FAM180A: variants seen among roughly 807,000 people sequenced by gnomAD.
FAM180A encodes the protein protein FAM180A.
Under a neutral mutation model 15.3 loss-of-function variants are expected in FAM180A, and 14 were observed. The ratio of observed to expected loss-of-function variants is 0.92; its 90% CI spans 0.61 to 1.43. The LOEUF (loss-of-function observed/expected upper bound fraction) is 1.43. Ranked by LOEUF, FAM180A falls within the 40% of genes most tolerant of loss-of-function variation. The pLI, the probability that FAM180A is intolerant of heterozygous loss-of-function variation, is 0.00. For missense variants in FAM180A, 200 were observed against 220.8 expected (o/e 0.91, Z 0.60); for synonymous variants, 90 against 96.8 (o/e 0.93, Z 0.41).
At chr7:135,735,525 C>T (rs1278952271) in intron 2 of FAM180A, among the ~76,000 whole-genome samples, 1 of 152,112 alleles carries the variant, frequency 6.6e-6, no homozygotes, top group Non-Finnish European at 1.5e-5. Context: ...TCTGTCCTCC[C>T]CTGCCCGAAT....
At chr7:135,747,905 A>AG (rs1045611869) in intron 1 of FAM180A, among the ~76,000 whole-genome samples, 1 of 152,172 alleles carries the variant, frequency 6.6e-6, no homozygotes, top group African/African-American at 2.4e-5. Flanking sequence ...CTACATCCTG[A>AG]GGGGGAGGAA....
intron 1 of FAM180A, among the ~76,000 whole-genome samples, chr7:135,739,842 C>T (rs1289267464): frequency 1.3e-5 from 2 of 152,178 alleles, no homozygotes; most frequent in Admixed American, 6.5e-5. Context: ...ACAAGTTCCT[C>T]AAGGGCTTTG....
intron 1 of FAM180A, among the ~76,000 whole-genome samples, chr7:135,745,256 T>C (rs915228187): frequency 2.6e-5 from 4 of 152,092 alleles, no homozygotes; most frequent in Non-Finnish European, 5.9e-5. Flanking sequence ...GAAAATGACA[T>C]AAGGTCCACC....
At chr7:135,739,995 A>G (rs1485550627) in intron 1 of FAM180A, among the ~76,000 whole-genome samples, 2 of 152,216 alleles carry the variant, frequency 1.3e-5, no homozygotes, top group East Asian at 3.9e-4. Context: ...TCGCCAGACC[A>G]TGCTCAGGGA....
chr7:135,734,390 G>A (rs1406890324), intron 2 of FAM180A, 71 bp from the exon 3 acceptor site: 31 of 1,420,030 alleles, frequency 2.2e-5, no homozygotes, highest in Non-Finnish European at 2.9e-5. Context: ...TCATTATCAC[G>A]CACCTTCCCT....
At chr7:135,735,616 ACT>A (rs1796858987) in intron 2 of FAM180A, among the ~76,000 whole-genome samples, 1 of 151,982 alleles carries the variant, frequency 6.6e-6, no homozygotes. Context: ...CTAGGCAAAG[ACT>A]CTGCATTTCC....
chr7:135,748,095 A>AG (rs1207185583), intron 1 of FAM180A, among the ~76,000 whole-genome samples: 2 of 152,200 alleles, frequency 1.3e-5, no homozygotes, highest in Non-Finnish European at 2.9e-5. Flanking sequence ...TGGTTCCCCC[A>AG]GGGAGCAGGC....
At chr7:135,734,340 G>C in intron 2 of FAM180A, 21 bp from the exon 3 acceptor site, 3 of 1,562,004 alleles carry the variant, frequency 1.9e-6, no homozygotes, top group Non-Finnish European at 2.6e-6. Context: ...ATGTGGATGT[G>C]CAAAAATATG....
chr7:135,732,453 G>C (rs1193525401), intron 3 of FAM180A, among the ~76,000 whole-genome samples: 2 of 152,192 alleles, frequency 1.3e-5, no homozygotes, highest in Non-Finnish European at 2.9e-5. Context: ...AACACTTTGG[G>C]AGCCTGAGGC....
At position 135,733,711 on chromosome 7, in the gene FAM180A, T is replaced by C. The variant is rs376092875; in HGVS notation, c.*264A>G. ...AAGCATATCAGAATTCTGCCTGCCA[T>C]AGGCAAACCATTCTGCCCATGGAGG... On this transcript the variant is annotated 3_prime_UTR_variant, in exon 3 of 4. Coordinates refer to ENST00000338588, the MANE Select transcript of FAM180A (RefSeq NM_205855.4). The C allele has an allele frequency of 2.4e-6, 3 of 1,276,228 alleles. No homozygotes were observed. Among genetic ancestry groups the C allele is most frequent in the Non-Finnish European group, 2.0e-6 (2 of 1,012,892 alleles). 79.1% of individuals were successfully genotyped at this position (1,276,228 alleles called of 1,614,324 possible). A position where few individuals can be genotyped will look rare whatever the true frequency, so the allele number is the denominator to read the frequency against.
chr7:135,732,646 T>C (rs1292227343), intron 3 of FAM180A, among the ~76,000 whole-genome samples: 3 of 148,710 alleles, frequency 2.0e-5, no homozygotes, highest in Non-Finnish European at 4.5e-5. Flanking sequence ...CGAGCCGAGA[T>C]AGTGCCACTG....
intron 1 of FAM180A, among the ~76,000 whole-genome samples, chr7:135,743,619 T>C (rs1044974570): frequency 2.0e-5 from 3 of 152,208 alleles, no homozygotes; most frequent in African/African-American, 7.2e-5. Context: ...AAATGCTCTT[T>C]GTGATGACTC....
At chr7:135,748,392 G>T in intron 1 of FAM180A, 113 bp downstream of exon 1, 1 of 790,188 alleles carries the variant, frequency 1.3e-6, no homozygotes, top group Non-Finnish European at 2.2e-6. Flanking sequence ...AATTGACAGA[G>T]ATTAGACAAA....
chr7:135,742,303 A>G (rs1208805835), intron 1 of FAM180A, among the ~76,000 whole-genome samples: 1 of 152,196 alleles, frequency 6.6e-6, no homozygotes, highest in Admixed American at 6.5e-5. Context: ...TCACTCCAAG[A>G]TGTTCTTGTC....
intron 1 of FAM180A, among the ~76,000 whole-genome samples, chr7:135,740,444 TAG>T (rs1442101370): frequency 1.3e-5 from 2 of 152,126 alleles, no homozygotes; most frequent in African/African-American, 4.8e-5. Flanking sequence ...CAGCCTTGAC[TAG>T]ACATTCGATT....
Position 135,734,162 on chromosome 7 carries a change from G to A in FAM180A, c.335C>T (p.Ser112Phe), listed in dbSNP as rs754048953. ...PDIRRLSASL[S>F]SHPGILKKED... ...TTTCTTGAGGATGCCAGGGTGGCTGGAGAGGCTGGCGCTGAGCCGGCGGAT... is the reference window on the plus strand; with the variant it reads ...TTTCTTGAGGATGCCAGGGTGGCTGAAGAGGCTGGCGCTGAGCCGGCGGAT... The change falls in exon 3 of 4, where the codon TCC becomes TTC. Residue 112 changes from serine to phenylalanine, a missense_variant. Ser to Phe is a radical substitution (Grantham distance 155). Transcript: ENST00000338588. 1 of 1,614,184 alleles carries A rather than the reference G, an allele frequency of 6.2e-7. No homozygotes were observed. The highest frequency in any genetic ancestry group is 8.5e-7 in the Non-Finnish European group (1 of 1,180,040).
intron 2 of FAM180A, among the ~76,000 whole-genome samples, chr7:135,734,889 T>G (rs1299384769): frequency 6.6e-6 from 1 of 152,056 alleles, no homozygotes; most frequent in African/African-American, 2.4e-5. Context: ...AATTACTGAT[T>G]TTCTGTTTTT....
rs1275740978 is a variant in FAM180A at position 135,730,120 on chromosome 7, T to C, written c.*491A>G. 2 of 985,330 alleles carry C rather than the reference T, an allele frequency of 2.0e-6. No homozygotes were observed. Among genetic ancestry groups the C allele is most frequent in the African/African-American group, 3.5e-5 (2 of 57,228 alleles). The allele number at this position is 985,330 out of a possible 1,614,324, so 61.0% of individuals were successfully genotyped here. A position where few individuals can be genotyped will look rare whatever the true frequency, so the allele number is the denominator to read the frequency against. On this transcript the variant is annotated 3_prime_UTR_variant, in exon 4 of 4. Coordinates refer to ENST00000338588, the MANE Select transcript of FAM180A (RefSeq NM_205855.4). ...GACCATTGGACCTGCAGAAATACTT[T>C]GATTTGTTAGATTCAAGGTGAGGTG...
intron 3 of FAM180A, 47 bp from the exon 4 acceptor site, chr7:135,730,328 G>A (rs1796763353): frequency 5.0e-6 from 4 of 801,530 alleles, no homozygotes; most frequent in South Asian, 5.7e-5. Flanking sequence ...GACCACTTGA[G>A]GTCAGGAGTT....
Sources: gnomAD v4.1 joint callset for allele counts (sites outside exome capture counted in the v4.1 genomes callset) on GRCh38, gnomAD v4.1.1 for gene constraint, MANE v1.5 for transcripts, NCBI Gene and HGNC (gene_info 2026-07-23, HGNC 2026-07-21) for gene names.